The following PATJ variants were observed in gnomAD, a reference collection of about 807,000 sequenced individuals.
PATJ encodes PATJ crumbs cell polarity complex component.
In PATJ, 190 loss-of-function variants were observed where a neutral mutation model predicts 224.9. The ratio of observed to expected loss-of-function variants is 0.84; its 90% CI spans 0.75 to 0.95. The LOEUF is 0.95. PATJ is among the 40% of genes least tolerant of loss of function. The pLI, the probability that PATJ is intolerant of heterozygous loss-of-function variation, is 0.00. For synonymous variants in PATJ, 769 were observed against 820.3 expected, an observed-to-expected ratio of 0.94 and a Z score of 1.07; for missense variants, 2,121 against 2,270.3, an observed-to-expected ratio of 0.93 and a Z score of 1.34.
At chr1:62,080,321 T>A (rs1254821226) in intron 32 of PATJ, among the ~76,000 whole-genome samples, 2 of 152,140 alleles carry the variant, frequency 1.3e-5, no homozygotes, top group East Asian at 1.9e-4. Context: ...ATAATAGGTA[T>A]TTCTACTTGC....
chr1:62,001,319 T>G (rs1322552550), intron 28 of PATJ, among the ~76,000 whole-genome samples: 1 of 150,062 alleles, frequency 6.7e-6, no homozygotes, highest in Admixed American at 6.6e-5. Flanking sequence ...TTTTATGGTT[T>G]TAGGTCTAAC....
At chr1:61,945,591 G>A (rs1416182658) in intron 27 of PATJ, among the ~76,000 whole-genome samples, 2 of 152,138 alleles carry the variant, frequency 1.3e-5, no homozygotes, top group Non-Finnish European at 2.9e-5. Flanking sequence ...AGTCCTTAGA[G>A]ACCTACAAAG....
At chr1:62,092,595 T>G (rs1660894795) in intron 33 of PATJ, among the ~76,000 whole-genome samples, 1 of 151,760 alleles carries the variant, frequency 6.6e-6, no homozygotes, top group South Asian at 2.1e-4. Context: ...TTTGTATTTT[T>G]AGTAGAGATG....
intron 27 of PATJ, among the ~76,000 whole-genome samples, chr1:61,953,266 G>A (rs1405041775): frequency 6.6e-6 from 1 of 152,180 alleles, no homozygotes; most frequent in Non-Finnish European, 1.5e-5. Flanking sequence ...TATTGCCTAA[G>A]GGAGGCAATT....
chr1:61,997,819 TGTTTTA>T (rs1325874679), intron 28 of PATJ, among the ~76,000 whole-genome samples: 2,630 of 89,366 alleles, frequency 0.029, 34 homozygotes, highest in African/African-American at 0.071. Context: ...TGTTTTGTTT[TGTTTTA>T]AAAAAAAAAA....
rs758238054 is a variant in PATJ, at chr1:61,827,408, C to G, written c.1819-14C>G. 4 of 1,608,900 alleles carry G rather than the reference C, an allele frequency of 2.5e-6. No individual in the cohort carries two copies. Among genetic ancestry groups the G allele is most frequent in the Non-Finnish European group, 2.5e-6 (3 of 1,177,296 alleles). On this transcript the variant is annotated splice_polypyrimidine_tract_variant and intron_variant, in intron 15 of 43. Coordinates refer to ENST00000642238, the MANE Select transcript of PATJ (RefSeq NM_001350145.3). Reference sequence around the variant, plus strand: ...GGGCTGGCTCAGTTCTGACTTATCCCCTTGTCTTCCTAGGTCAATGGCATG... The same window carrying G: ...GGGCTGGCTCAGTTCTGACTTATCCGCTTGTCTTCCTAGGTCAATGGCATG...
intron 32 of PATJ, among the ~76,000 whole-genome samples, chr1:62,079,884 C>G (rs901667311): frequency 6.6e-6 from 1 of 151,988 alleles, no homozygotes; most frequent in African/African-American, 2.4e-5. Flanking sequence ...AAAAATTAGC[C>G]AGGCATGGTG....
At chr1:61,960,082 G>A (rs184696952) in intron 27 of PATJ, among the ~76,000 whole-genome samples, 148 of 152,130 alleles carry the variant, frequency 9.7e-4, no homozygotes, top group Middle Eastern at 3.4e-3. Context: ...TCAATATTGG[G>A]TATTCTAATG....
intron 31 of PATJ, among the ~76,000 whole-genome samples, chr1:62,059,787 G>T (rs1032227076): frequency 1.3e-5 from 2 of 152,100 alleles, no homozygotes; most frequent in Non-Finnish European, 2.9e-5. Context: ...CTGAAACCAA[G>T]GATCTGGCCA....
At chr1:62,111,727 C>T (rs984404671) in intron 34 of PATJ, among the ~76,000 whole-genome samples, 2 of 147,928 alleles carry the variant, frequency 1.4e-5, no homozygotes, top group African/African-American at 5.0e-5. Context: ...ACAGCACAAT[C>T]TCTGCTCACT....
At chr1:61,880,073 C>T (rs189909772) in intron 21 of PATJ, among the ~76,000 whole-genome samples, 84 of 152,298 alleles carry the variant, frequency 5.5e-4, no homozygotes, top group African/African-American at 2.0e-3. Context: ...ATCCACCCGC[C>T]TCAGCCTCCC....
chr1:61,884,177 GA>G, intron 21 of PATJ, 59 bp from the exon 22 acceptor site: 1 of 1,359,022 alleles, frequency 7.4e-7, no homozygotes, highest in African/African-American at 1.5e-5. Flanking sequence ...CCTAGTTGTT[GA>G]ATGACTAAAG....
intron 27 of PATJ, among the ~76,000 whole-genome samples, chr1:61,960,813 C>T (rs1199166085): frequency 6.6e-6 from 1 of 152,096 alleles, no homozygotes; most frequent in African/African-American, 2.4e-5. Context: ...CCATTTTTCT[C>T]AGTGCTCTTG....
chr1:62,026,186 C>G (rs1399978954), intron 29 of PATJ, among the ~76,000 whole-genome samples: 1 of 152,098 alleles, frequency 6.6e-6, no homozygotes, highest in African/African-American at 2.4e-5. Flanking sequence ...ACTGTTTACT[C>G]TGTTCATATA....
chr1:61,856,231 C>T lies in PATJ; in HGVS notation c.2314C>T (p.Pro772Ser), dbSNP rs1308681459. ...CCTAGTACACCTTGGCATCTGTAAG[C>T]CTTTGGTGGTAAGTGTTGTATTTTG... ...PGLVHLGICKPLVEDNEEESC... is the reference protein window; with the variant it reads ...PGLVHLGICKSLVEDNEEESC... The change falls in exon 18 of 44, where the codon CCT (proline) becomes TCT (serine). Residue 772 changes from proline to serine, a missense_variant. Pro to Ser is a moderately conservative substitution (Grantham distance 74). Transcript: ENST00000642238. 2 of 1,612,516 alleles carry T rather than the reference C, an allele frequency of 1.2e-6. No individual in the cohort carries two copies. The highest frequency in any genetic ancestry group is 1.7e-5 in the Admixed American group (1 of 60,004).
At chr1:61,999,947 A>G (rs1645645803) in intron 28 of PATJ, among the ~76,000 whole-genome samples, 1 of 151,838 alleles carries the variant, frequency 6.6e-6, no homozygotes, top group Non-Finnish European at 1.5e-5. Flanking sequence ...CAGTGGTGTG[A>G]TCGCAGCTCT....
chr1:62,077,033 A>T (rs553494167), intron 31 of PATJ, among the ~76,000 whole-genome samples: 4 of 152,274 alleles, frequency 2.6e-5, no homozygotes, highest in Admixed American at 1.3e-4. Flanking sequence ...TTCTTATTTG[A>T]TTACTCTACC....
intron 13 of PATJ, among the ~76,000 whole-genome samples, chr1:61,805,931 T>A (rs1017040061): frequency 1.3e-5 from 2 of 152,262 alleles, no homozygotes; most frequent in African/African-American, 4.8e-5. Context: ...ATTAGTCCTA[T>A]GTTTCACAAA....
At chr1:61,748,533 G>A (rs944376401) in intron 1 of PATJ, among the ~76,000 whole-genome samples, 1 of 151,930 alleles carries the variant, frequency 6.6e-6, no homozygotes, top group African/African-American at 2.4e-5. Flanking sequence ...TGTGATTACA[G>A]GCGTGAGCCA....
Sources: gnomAD v4.1 joint callset for allele counts (sites outside exome capture counted in the v4.1 genomes callset) on GRCh38, gnomAD v4.1.1 for gene constraint, MANE v1.5 for transcripts, NCBI Gene and HGNC (gene_info 2026-07-23, HGNC 2026-07-21) for gene names.